TEX11: variants seen among roughly 807,000 people sequenced by gnomAD.
TEX11 encodes the protein testis-expressed protein 11.
Under a neutral mutation model 84.4 loss-of-function variants are expected in TEX11, and 7 were observed. That is an observed-to-expected ratio of 0.08 (90% CI 0.05 to 0.16). The LOEUF (loss-of-function observed/expected upper bound fraction) is 0.16. Ranked by LOEUF, TEX11 falls within the 10% of genes least tolerant of loss-of-function variation. The pLI is 1.00. For synonymous variants in TEX11, 264 were observed against 222.8 expected, an observed-to-expected ratio of 1.18 and a Z score of -1.64; for missense variants, 551 against 660.5, an observed-to-expected ratio of 0.83 and a Z score of 1.82.
intron 9 of TEX11, among the ~76,000 whole-genome samples, chrX:70,750,421 G>A (rs1170824919): frequency 1.8e-5 from 2 of 111,486 alleles, no homozygotes; most frequent in Non-Finnish European, 3.8e-5. Context: ...TCCCATTACT[G>A]GGTATATAGC....
intron 24 of TEX11, among the ~76,000 whole-genome samples, chrX:70,604,389 A>G (rs1253121575): frequency 9.0e-6 from 1 of 111,045 alleles, no homozygotes; most frequent in East Asian, 2.8e-4. Flanking sequence ...GTCTTTTCTC[A>G]TCTTCTTTTA....
chrX:70,539,038 A>ATATATATT, intron 28 of TEX11, among the ~76,000 whole-genome samples: 7 of 41,234 alleles, frequency 1.7e-4, no homozygotes, highest in Non-Finnish European at 2.0e-4. Flanking sequence ...ATATATATAT[A>ATATATATT]TTTTTTTTTT....
intron 24 of TEX11, among the ~76,000 whole-genome samples, chrX:70,604,714 G>A (rs1254872022): frequency 3.6e-5 from 4 of 110,995 alleles, no homozygotes; most frequent in Non-Finnish European, 5.7e-5. Flanking sequence ...GTCCAGGTAC[G>A]AGAAACCAAG....
chrX:70,812,157 G>A (rs769507142), intron 8 of TEX11, among the ~76,000 whole-genome samples: 1 of 109,741 alleles, frequency 9.1e-6, no homozygotes, highest in Non-Finnish European at 1.9e-5. Context: ...TACCATTCTA[G>A]GTTTTCATGG....
chrX:70,629,171 C>T (rs1386937268), intron 18 of TEX11, among the ~76,000 whole-genome samples: 1 of 111,895 alleles, frequency 8.9e-6, no homozygotes, highest in Non-Finnish European at 1.9e-5. Context: ...AACCAGAATT[C>T]TGTAGTAACA....
Position 70,635,034 on chromosome X carries a change from T to A in TEX11, c.1484-5299A>T, listed in dbSNP as rs146788257. ...ACTGAACATCAACAAGATGGTGGAA[T>A]AGGACTTTCCAGCGCTCATTCCCCA... On this transcript the variant is annotated intron_variant, in intron 17 of 29. Transcript: ENST00000374333. Among the ~76,000 whole-genome samples, 4 of 112,307 alleles carry A rather than the reference T, an allele frequency of 3.6e-5. No individual in the cohort carries two copies. In the South Asian group the frequency reaches 1.5e-3, roughly 42 times the overall value.
At chrX:70,636,974 T>A (rs924792814) in intron 17 of TEX11, among the ~76,000 whole-genome samples, 6 of 111,310 alleles carry the variant, frequency 5.4e-5, no homozygotes, top group African/African-American at 2.0e-4. Flanking sequence ...AAATAAATTA[T>A]AGAATGGGAG....
chrX:70,861,883 A>G (rs2147859484), intron 4 of TEX11, among the ~76,000 whole-genome samples: 1 of 112,278 alleles, frequency 8.9e-6, no homozygotes, highest in Non-Finnish European at 1.9e-5. Flanking sequence ...CAGAAAAATA[A>G]TTGTAAATTC....
Position 70,669,026 on chromosome X carries a change from C to T in TEX11, c.1380+1351G>A, listed in dbSNP as rs144369701. Among the ~76,000 whole-genome samples, 239 of 112,234 alleles carry T rather than the reference C, an allele frequency of 2.1e-3. 1 individual carries two copies. Among genetic ancestry groups the T allele is most frequent in the South Asian group, 0.017 (45 of 2,661 alleles). On this transcript the variant is annotated intron_variant, in intron 16 of 29. Coordinates refer to ENST00000374333, the MANE Select transcript of TEX11 (RefSeq NM_031276.3). ...GCCAACCACCTGTGTGCCTGACTTA[C>T]GGACTATTTCCAACATTTAGATTTC...
At chrX:70,564,519 G>A (rs1002558235) in intron 25 of TEX11, among the ~76,000 whole-genome samples, 17 of 107,748 alleles carry the variant, frequency 1.6e-4, no homozygotes, top group Non-Finnish European at 3.1e-4. Context: ...TCGTCATTTA[G>A]CATTAGGTAT....
At chrX:70,663,551 T>C (rs1299948442) in intron 16 of TEX11, among the ~76,000 whole-genome samples, 1 of 111,598 alleles carries the variant, frequency 9.0e-6, no homozygotes, top group Non-Finnish European at 1.9e-5. Flanking sequence ...CCTCAGTGCC[T>C]TCCTCTTGGC....
intron 13 of TEX11, among the ~76,000 whole-genome samples, chrX:70,705,485 T>G (rs1046743617): frequency 3.6e-5 from 4 of 111,646 alleles, no homozygotes; most frequent in Non-Finnish European, 7.5e-5. Flanking sequence ...AAAGAGCTTC[T>G]GCACAGCAAA....
intron 25 of TEX11, among the ~76,000 whole-genome samples, chrX:70,579,752 G>A (rs978208570): frequency 9.8e-5 from 11 of 111,926 alleles, no homozygotes; most frequent in East Asian, 2.8e-4. Flanking sequence ...AAGTTGCTCC[G>A]CATCATTGAT....
At position 70,621,581 on chromosome X, in the gene TEX11, TAAAA is replaced by T. The variant is rs1363027482; in HGVS notation, c.1751+2365_1751+2368del. ...ATATATATATATATATATATATAAA[TAAAA>T]ATAAAATATTAAACTTAAAAAATAA... On this transcript the variant is annotated intron_variant, in intron 20 of 29. Coordinates refer to ENST00000374333, the MANE Select transcript of TEX11 (RefSeq NM_031276.3). Among the ~76,000 whole-genome samples, 210 of 51,354 alleles carry T rather than the reference TAAAA, an allele frequency of 4.1e-3. 1 individual carries two copies. The highest frequency in any genetic ancestry group is 0.017 in the African/African-American group (204 of 11,827). 44.6% of individuals were successfully genotyped at this position (51,354 alleles called of 115,157 possible).
intron 24 of TEX11, among the ~76,000 whole-genome samples, chrX:70,597,006 C>A (rs192956675): frequency 1.8e-5 from 2 of 111,597 alleles, no homozygotes; most frequent in African/African-American, 3.3e-5. Context: ...CCAACAAATT[C>A]TATAACTTAG....
chrX:70,792,869 C>T (rs1483380256), intron 9 of TEX11, among the ~76,000 whole-genome samples: 2 of 110,941 alleles, frequency 1.8e-5, no homozygotes, highest in East Asian at 2.8e-4. Flanking sequence ...ATCCTGATAC[C>T]TAAATCTGGC....
intron 17 of TEX11, among the ~76,000 whole-genome samples, chrX:70,650,027 G>C (rs1446512645): frequency 8.9e-6 from 1 of 111,806 alleles, no homozygotes; most frequent in East Asian, 2.8e-4. Flanking sequence ...AATGCATTAA[G>C]TTAAGTGAAA....
intron 2 of TEX11, among the ~76,000 whole-genome samples, chrX:70,888,685 T>G (rs995208841): frequency 9.0e-6 from 1 of 111,633 alleles, no homozygotes; most frequent in African/African-American, 3.2e-5. Flanking sequence ...AACAGAGAAC[T>G]TCCCAAACTT....
At chrX:70,716,387 G>C (rs1206940100) in intron 13 of TEX11, among the ~76,000 whole-genome samples, 1 of 107,426 alleles carries the variant, frequency 9.3e-6, no homozygotes, top group African/African-American at 3.4e-5. Flanking sequence ...TGCCCCCAGA[G>C]GTGGAGTCTA....
Sources: gnomAD v4.1 joint callset for allele counts (sites outside exome capture counted in the v4.1 genomes callset) on GRCh38, gnomAD v4.1.1 for gene constraint, MANE v1.5 for transcripts, NCBI Gene and HGNC (gene_info 2026-07-23, HGNC 2026-07-21) for gene names.